UGGT1: variants seen among roughly 807,000 people sequenced by gnomAD.
UGGT1 encodes the protein UDP-glucose:glycoprotein glucosyltransferase 1.
In UGGT1, 107 loss-of-function variants were observed where a neutral mutation model predicts 203.9. The observed-to-expected ratio is 0.52, with a 90% CI of 0.45 to 0.62. The LOEUF is 0.62. UGGT1 is among the 20% of genes least tolerant of loss of function. UGGT1 has a pLI of 0.00. For synonymous variants in UGGT1, 628 were observed against 653.5 expected (o/e 0.96, Z 0.59); for missense variants, 1,673 against 1,867.2 (o/e 0.90, Z 1.92).
At chr2:128,141,193 T>A (rs1689405276) in intron 16 of UGGT1, among the ~76,000 whole-genome samples, 2 of 151,878 alleles carry the variant, frequency 1.3e-5, no homozygotes, top group South Asian at 4.1e-4. Flanking sequence ...GTGTGGTGGC[T>A]CATGCCTGTA....
chr2:128,183,176 C>T (rs752729265), intron 37 of UGGT1, among the ~76,000 whole-genome samples: 8 of 152,142 alleles, frequency 5.3e-5, no homozygotes, highest in Non-Finnish European at 8.8e-5. Flanking sequence ...CTCTTCTCTG[C>T]GAGAAGTGTG....
chr2:128,189,601 A>G, intron 40 of UGGT1, 116 bp from the exon 41 acceptor site: 1 of 1,033,236 alleles, frequency 9.7e-7, no homozygotes, highest in South Asian at 1.5e-5. Flanking sequence ...AGTAAGTGAG[A>G]TAAGATGAAG....
intron 26 of UGGT1, among the ~76,000 whole-genome samples, chr2:128,166,016 C>T (rs2104762995): frequency 6.6e-6 from 1 of 152,290 alleles, no homozygotes; most frequent in African/African-American, 2.4e-5. Flanking sequence ...TCTGCCTCAG[C>T]CTCCCAAGGT....
intron 6 of UGGT1, among the ~76,000 whole-genome samples, chr2:128,114,179 G>A (rs1687992666): frequency 1.3e-5 from 2 of 152,020 alleles, no homozygotes; most frequent in South Asian, 2.1e-4. Flanking sequence ...GCACAGTGGC[G>A]CGATTTCAGC....
At chr2:128,116,722 G>A (rs1272081669) in intron 8 of UGGT1, among the ~76,000 whole-genome samples, 1 of 151,770 alleles carries the variant, frequency 6.6e-6, no homozygotes, top group Non-Finnish European at 1.5e-5. Flanking sequence ...ATGGTGTTTC[G>A]CCACGTTGGC....
chr2:128,176,955 T>G, intron 32 of UGGT1, 57 bp downstream of exon 32: 1 of 1,534,466 alleles, frequency 6.5e-7, no homozygotes, highest in Non-Finnish European at 9.0e-7. Context: ...TTTAAAAATA[T>G]GTATCTTGGA....
chr2:128,119,835 A>G (rs191787715), intron 8 of UGGT1, among the ~76,000 whole-genome samples: 39 of 151,594 alleles, frequency 2.6e-4, no homozygotes, highest in African/African-American at 9.2e-4. Flanking sequence ...TTCCCAGTAT[A>G]AGCCTTTTTT....
At position 128,158,586 on chromosome 2, in the gene UGGT1, A is replaced by G. The variant is rs534292461; in HGVS notation, c.2356-928A>G. Among the ~76,000 whole-genome samples the G allele has an allele frequency of 3.9e-5, 6 of 152,342 alleles. No homozygotes were observed. The East Asian group carries it at 1.2e-3, about 29-fold the overall frequency. ...TAGTATTATATCATATGGCTGTACC[A>G]CAAAGTTTTATTTGTTTAAGCTATT... On this transcript the variant is annotated intron_variant, in intron 22 of 40. Transcript: ENST00000259253.
intron 25 of UGGT1, among the ~76,000 whole-genome samples, chr2:128,162,896 G>A (rs541513038): frequency 3.3e-5 from 5 of 152,270 alleles, no homozygotes; most frequent in Non-Finnish European, 7.4e-5. Flanking sequence ...TAGTCATGGG[G>A]CCAAAAGACT....
intron 1 of UGGT1, among the ~76,000 whole-genome samples, chr2:128,092,642 G>C (rs1459117099): frequency 1.2e-5 from 1 of 86,108 alleles, no homozygotes; most frequent in Non-Finnish European, 2.2e-5. Context: ...TTTCACTCTT[G>C]TTACCCAGGC....
intron 1 of UGGT1, 36 bp downstream of exon 1, chr2:128,091,451 AAGAG>A: frequency 2.6e-6 from 4 of 1,562,238 alleles, no homozygotes; most frequent in African/African-American, 1.4e-5. Context: ...CTCGTGGACA[AAGAG>A]AGGGTTTGGG....
At chr2:128,151,196 C>T in intron 18 of UGGT1, 1 of 537,904 alleles carries the variant, frequency 1.9e-6, no homozygotes, top group Admixed American at 2.5e-5. Flanking sequence ...TTCCCCATAG[C>T]CTTCTATTTT....
chr2:128,098,308 T>C (rs1211882040), intron 2 of UGGT1, among the ~76,000 whole-genome samples: 1 of 152,218 alleles, frequency 6.6e-6, no homozygotes, highest in African/African-American at 2.4e-5. Context: ...GGCTCACGCC[T>C]ATAATCCCAA....
intron 35 of UGGT1, 105 bp downstream of exon 35, chr2:128,179,975 A>G: frequency 1.1e-6 from 1 of 949,654 alleles, no homozygotes; most frequent in Non-Finnish European, 1.6e-6. Flanking sequence ...TTTTCCATTT[A>G]CTAAGATACC....
Position 128,172,635 on chromosome 2 carries a change from G to A in UGGT1, c.3167G>A (p.Gly1056Asp), listed in dbSNP as rs570408170. 1 of 1,614,026 alleles carries A rather than the reference G, an allele frequency of 6.2e-7. No homozygotes were observed. The highest frequency in any genetic ancestry group is 1.1e-5 in the South Asian group (1 of 91,076). ...SFTSDNSFAKGPIAKFLDMPQ... is the reference protein window; with the variant it reads ...SFTSDNSFAKDPIAKFLDMPQ... ...ACTTCAGACAATAGTTTTGCTAAGG[G>A]TCCAATCGCAAAATTTTTGGATATG... The change falls in exon 29 of 41, where the codon GGT (glycine) becomes GAT (aspartate). Residue 1056 changes from glycine (G) to aspartate (D), a missense_variant. Gly to Asp is a moderately conservative substitution (Grantham distance 94, BLOSUM62 -1). Coordinates refer to ENST00000259253, the MANE Select transcript of UGGT1 (RefSeq NM_020120.4).
intron 18 of UGGT1, chr2:128,151,300 T>G (rs1234067991): frequency 3.4e-6 from 2 of 581,544 alleles, no homozygotes; most frequent in Non-Finnish European, 6.5e-6. Context: ...CTTGGGCTGT[T>G]TCAGCAGCAC....
intron 13 of UGGT1, among the ~76,000 whole-genome samples, chr2:128,130,576 AG>A (rs1160910842): frequency 3.3e-5 from 5 of 152,226 alleles, no homozygotes; most frequent in Non-Finnish European, 7.3e-5. Flanking sequence ...TAACAACCAT[AG>A]GACCCATCAT....
At chr2:128,116,145 A>C in intron 7 of UGGT1, 120 bp from the exon 8 acceptor site, 1 of 605,792 alleles carries the variant, frequency 1.7e-6, no homozygotes, top group South Asian at 2.5e-5. Context: ...AAATGGTATA[A>C]TTTCAGGGGT....
At chr2:128,128,520 G>T (rs1486227120) in intron 12 of UGGT1, among the ~76,000 whole-genome samples, 3 of 151,936 alleles carry the variant, frequency 2.0e-5, no homozygotes, top group African/African-American at 2.4e-5. Context: ...CACCATGTTG[G>T]CCAGGCTGGT....
Sources: gnomAD v4.1 joint callset for allele counts (sites outside exome capture counted in the v4.1 genomes callset) on GRCh38, gnomAD v4.1.1 for gene constraint, MANE v1.5 for transcripts, NCBI Gene and HGNC (gene_info 2026-07-23, HGNC 2026-07-21) for gene names.